HIVEP3: variants seen among roughly 807,000 people sequenced by gnomAD.
HIVEP3 encodes the protein HIVEP zinc finger 3, also known as transcription factor HIVEP3.
Under a neutral mutation model 152.8 loss-of-function variants are expected in HIVEP3, and 49 were observed. That is an observed-to-expected ratio of 0.32 (90% CI 0.26 to 0.41). The LOEUF (loss-of-function observed/expected upper bound fraction) is 0.41, where lower values mean the gene tolerates loss of function less well. HIVEP3 is among the 10% of genes least tolerant of loss of function. The pLI is 1.00. For missense variants in HIVEP3, 2,790 were observed against 3,103.3 expected, an observed-to-expected ratio of 0.90 and a Z score of 2.40; for synonymous variants, 1,269 against 1,289.0, an observed-to-expected ratio of 0.98 and a Z score of 0.33.
chr1:41,572,452 C>G (rs1238402817), intron 5 of HIVEP3, among the ~76,000 whole-genome samples: 1 of 152,180 alleles, frequency 6.6e-6, no homozygotes, highest in African/African-American at 2.4e-5. Context: ...CCCACCCACT[C>G]CGGGAAGCCC....
At position 41,647,854 on chromosome 1, in the gene HIVEP3, G is replaced by A. The variant is rs12407179; in HGVS notation, c.-720-18907C>T. ...TTGGTCTCTTGGGCCAGAAGCCCATGGGATGTTCTGATCTGGCCCCCTCCT... is the reference window on the plus strand; with the variant it reads ...TTGGTCTCTTGGGCCAGAAGCCCATAGGATGTTCTGATCTGGCCCCCTCCT... On this transcript the variant is annotated intron_variant, in intron 2 of 8. Coordinates refer to ENST00000372583, the MANE Select transcript of HIVEP3 (RefSeq NM_024503.5). 4.7e-3 allele frequency among the ~76,000 whole-genome samples: 718 copies of A among 152,356 alleles called. 18 individuals are homozygous for A. The East Asian group carries it at 0.074, about 16-fold the overall frequency.
upstream of HIVEP3, among the ~76,000 whole-genome samples, chr1:41,920,745 G>GA (rs1557523265): frequency 6.6e-6 from 1 of 152,168 alleles, no homozygotes; most frequent in Admixed American, 6.5e-5. Context: ...AACAGCTCCA[G>GA]AAAATGAGGC....
Position 41,580,010 on chromosome 1 carries a change from G to C in HIVEP3, c.4788C>G (p.Pro1596=), listed in dbSNP as rs1644376592. The change falls in exon 4 of 9, where the codon CCC becomes CCG. Residue 1596 remains proline, a synonymous_variant. Transcript: ENST00000372583. The part of the protein sequence containing the change: ...GTDSKKVLQF[P]SLHTTTNVSW... ...TGACATTAGTGGTTGTGTGGAGGCTGGGGAACTGCAGTACCTTCTTTGAGT... is the reference window on the plus strand; with the variant it reads ...TGACATTAGTGGTTGTGTGGAGGCTCGGGAACTGCAGTACCTTCTTTGAGT... 7.4e-6 allele frequency: 12 copies of C among 1,614,064 alleles called. No individual in the cohort carries two copies. Among genetic ancestry groups the C allele is most frequent in the Middle Eastern group, 1.6e-4 (1 of 6,084 alleles).
chr1:41,593,772 C>T (rs986953786), intron 3 of HIVEP3, among the ~76,000 whole-genome samples: 1 of 152,234 alleles, frequency 6.6e-6, no homozygotes, highest in Non-Finnish European at 1.5e-5. Context: ...TGGCTTAATG[C>T]AAAATTTACT....
chr1:41,511,240 G>A lies in HIVEP3; in HGVS notation c.6432C>T (p.Ser2144=), dbSNP rs765990543. The A allele has an allele frequency of 4.3e-6, 7 of 1,610,558 alleles. No individual in the cohort carries two copies. The Admixed American group carries it at 6.7e-5, about 15-fold the overall frequency. ...GAGGATGAGCAGGGCCGGGTGAGCA[G>A]GAGGGACTTCGGGACTCGGCCTTCT... The part of the protein sequence containing the change: ...PWQKAESRSP[S]CSPGPAHPLS... Residue 2144 remains serine (S), a synonymous_variant, in exon 9 of 9, where the codon TCC becomes TCT. Transcript: ENST00000372583. The surrounding 1 kb of genome is among the most constrained non-coding windows in gnomAD (Gnocchi z 4.9).
Position 41,511,260 on chromosome 1 carries a change from C to A in HIVEP3, c.6412G>T (p.Ala2138Ser), listed in dbSNP as rs1160350848. The stretch of plus-strand genomic sequence containing the variant: ...GAGCAGGAGGGACTTCGGGACTCGG[C>A]CTTCTGCTGGGGTCAGAAAACAAGA... ...PETCASPWQK[A>S]ESRSPSCSPG... The change falls in exon 9 of 9, where the codon GCC becomes TCC. Residue 2138 changes from alanine to serine, a missense_variant. Ala to Ser is a moderately conservative substitution (Grantham distance 99). Coordinates refer to ENST00000372583, the MANE Select transcript of HIVEP3 (RefSeq NM_024503.5). The surrounding 1 kb of genome is among the most constrained non-coding windows in gnomAD (Gnocchi z 4.9). 3 of 1,600,626 alleles carry A rather than the reference C, an allele frequency of 1.9e-6. No individual in the cohort carries two copies. Among genetic ancestry groups the A allele is most frequent in the Non-Finnish European group, 2.6e-6 (3 of 1,172,658 alleles).
intron 5 of HIVEP3, among the ~76,000 whole-genome samples, chr1:41,527,517 G>A (rs538046028): frequency 2.1e-3 from 108 of 52,050 alleles, no homozygotes; most frequent in South Asian, 0.02. Flanking sequence ...ACACACCCCC[G>A]CCCTCACATG....
intron 5 of HIVEP3, among the ~76,000 whole-genome samples, chr1:41,545,183 C>T: frequency 7.1e-6 from 1 of 139,866 alleles, no homozygotes; most frequent in African/African-American, 2.8e-5. Flanking sequence ...CCATTACCAC[C>T]ATCACCAACA....
intron 1 of HIVEP3, among the ~76,000 whole-genome samples, chr1:41,800,287 A>T (rs1650227638): frequency 6.6e-6 from 1 of 152,118 alleles, no homozygotes; most frequent in African/African-American, 2.4e-5. Flanking sequence ...GGTCCAAAGG[A>T]TGTGGCAGAA....
At chr1:41,846,960 G>A (rs765354595) in intron 1 of HIVEP3, among the ~76,000 whole-genome samples, 2 of 152,198 alleles carry the variant, frequency 1.3e-5, no homozygotes, top group Non-Finnish European at 2.9e-5. Context: ...CATCATTCAT[G>A]GGTATTCCCT....
chr1:41,636,959 C>CAA (rs56258158), intron 2 of HIVEP3, among the ~76,000 whole-genome samples: 1,972 of 127,062 alleles, frequency 0.016, 63 homozygotes, highest in African/African-American at 0.052. Context: ...AACTCCATCT[C>CAA]AAAAAAAAAA....
At chr1:41,721,163 T>C (rs1646668065) in intron 1 of HIVEP3, among the ~76,000 whole-genome samples, 1 of 152,176 alleles carries the variant, frequency 6.6e-6, no homozygotes, top group Non-Finnish European at 1.5e-5. Flanking sequence ...TACTTAAACA[T>C]TGGTTGAAAG....
At chr1:41,791,121 T>TAC (rs60729364) in intron 1 of HIVEP3, among the ~76,000 whole-genome samples, 12,091 of 140,636 alleles carry the variant, frequency 0.086, 528 homozygotes, top group South Asian at 0.12. Context: ...CACACATGTG[T>TAC]ACACACACAC....
At chr1:41,661,237 C>A (rs1645707136) in intron 2 of HIVEP3, among the ~76,000 whole-genome samples, 1 of 152,206 alleles carries the variant, frequency 6.6e-6, no homozygotes. Flanking sequence ...TCCCCTATGT[C>A]CTTGATGAAA....
At chr1:41,658,995 G>A (rs1169255056) in intron 2 of HIVEP3, among the ~76,000 whole-genome samples, 3 of 152,048 alleles carry the variant, frequency 2.0e-5, no homozygotes, top group Non-Finnish European at 4.4e-5. Flanking sequence ...GGGCAGCCCC[G>A]CCCCACAAAG....
chr1:41,852,079 G>T (rs1643619689), intron 1 of HIVEP3, among the ~76,000 whole-genome samples: 1 of 152,234 alleles, frequency 6.6e-6, no homozygotes, highest in African/African-American at 2.4e-5. Context: ...AATGATTATT[G>T]ATAAGACCAC....
rs184216463 is a variant in HIVEP3 at position 41,906,457 on chromosome 1, G to T, written c.-801+11956C>A. ...GAAGCAAAAAGGGTGCATATTTTAT[G>T]ATTTTAGCTATATGAAATTCTAGGA... On this transcript the variant is annotated intron_variant, in intron 1 of 8. Transcript: ENST00000372583. 3.9e-5 allele frequency among the ~76,000 whole-genome samples: 6 copies of T among 152,276 alleles called. No individual in the cohort carries two copies. The East Asian group carries it at 1.2e-3, about 29-fold the overall frequency.
intron 5 of HIVEP3, among the ~76,000 whole-genome samples, chr1:41,560,562 C>G (rs1018282092): frequency 2.6e-5 from 4 of 152,230 alleles, no homozygotes; most frequent in Admixed American, 6.5e-5. Context: ...TTCATGCACC[C>G]TTGGGATGCG....
At chr1:41,699,540 G>T (rs985551554) in intron 2 of HIVEP3, among the ~76,000 whole-genome samples, 2 of 152,234 alleles carry the variant, frequency 1.3e-5, no homozygotes, top group African/African-American at 4.8e-5. Context: ...CCCAGGAGGG[G>T]GTGGCCTATT....
Sources: gnomAD v4.1 joint callset for allele counts (sites outside exome capture counted in the v4.1 genomes callset) on GRCh38, gnomAD v4.1.1 for gene constraint, Gnocchi (gnomAD v3.1) non-coding constraint, MANE v1.5 for transcripts, NCBI Gene and HGNC (gene_info 2026-07-23, HGNC 2026-07-21) for gene names.